The following ARID4B variants were observed in gnomAD, a reference collection of about 807,000 sequenced individuals.
The protein encoded by ARID4B is AT-rich interaction domain 4B, also known as AT-rich interactive domain-containing protein 4B.
ARID4B carries 26 observed loss-of-function variants against 147.5 expected under a neutral mutation model. The ratio of observed to expected loss-of-function variants is 0.18; its 90% CI spans 0.13 to 0.24. The LOEUF is 0.24. Among genes scored for constraint, ARID4B ranks in the 10% least tolerant of loss-of-function variants. The pLI, the probability that ARID4B is intolerant of heterozygous loss-of-function variation, is 1.00. For synonymous variants in ARID4B, 512 were observed against 507.9 expected (o/e 1.01, Z -0.11); for missense variants, 1,179 against 1,511.5 (o/e 0.78, Z 3.65).
At chr1:235,305,345 CA>C (rs1390117756) in intron 2 of ARID4B, among the ~76,000 whole-genome samples, 7 of 152,108 alleles carry the variant, frequency 4.6e-5, no homozygotes, top group Non-Finnish European at 7.4e-5. Context: ...CGGATTTGTT[CA>C]AAACTCCTCC....
intron 2 of ARID4B, among the ~76,000 whole-genome samples, chr1:235,266,869 T>C (rs1468518765): frequency 6.6e-6 from 1 of 152,204 alleles, no homozygotes; most frequent in Non-Finnish European, 1.5e-5. Context: ...AAGCAAAACA[T>C]GCTAGATGAC....
chr1:235,246,970 C>A (rs769639336), intron 6 of ARID4B, among the ~76,000 whole-genome samples: 13 of 152,056 alleles, frequency 8.5e-5, no homozygotes, highest in Non-Finnish European at 1.3e-4. Flanking sequence ...GCATCAATCG[C>A]ACGAACAAAA....
chr1:235,315,164 C>A (rs1175094923), intron 2 of ARID4B, among the ~76,000 whole-genome samples: 1 of 152,222 alleles, frequency 6.6e-6, no homozygotes, highest in Non-Finnish European at 1.5e-5. Context: ...TGGCTCACAT[C>A]TGTAATCCCA....
chr1:235,247,061 AT>A (rs947969435), intron 6 of ARID4B, among the ~76,000 whole-genome samples: 1 of 152,156 alleles, frequency 6.6e-6, no homozygotes, highest in African/African-American at 2.4e-5. Context: ...CATTAATTTA[AT>A]TTTTTAAATT....
At chr1:235,212,261 C>CAAAAACA (rs1268110567) in intron 17 of ARID4B, among the ~76,000 whole-genome samples, 2 of 151,734 alleles carry the variant, frequency 1.3e-5, no homozygotes, top group Non-Finnish European at 2.9e-5. Flanking sequence ...AAGACAAAAA[C>CAAAAACA]AAAAACAAAA....
At chr1:235,240,143 C>G (rs991084804) in intron 8 of ARID4B, among the ~76,000 whole-genome samples, 170 bp downstream of exon 8, 8 of 152,066 alleles carry the variant, frequency 5.3e-5, no homozygotes, top group African/African-American at 1.9e-4. Flanking sequence ...TGAATGACAT[C>G]AAGAGTTCTT....
At chr1:235,302,935 CT>C (rs71172294) in intron 2 of ARID4B, among the ~76,000 whole-genome samples, 3 of 149,860 alleles carry the variant, frequency 2.0e-5, no homozygotes, top group African/African-American at 7.4e-5. Context: ...TTCTTTTTTT[CT>C]TTTTTTTGAG....
intron 2 of ARID4B, among the ~76,000 whole-genome samples, chr1:235,297,736 C>T (rs890492510): frequency 5.9e-5 from 9 of 152,072 alleles, no homozygotes; most frequent in South Asian, 2.1e-4. Context: ...CCCTCTAGAA[C>T]GAATGTTCAG....
intron 6 of ARID4B, 60 bp downstream of exon 6, chr1:235,252,670 A>T: frequency 6.6e-7 from 1 of 1,513,366 alleles, no homozygotes; most frequent in Non-Finnish European, 9.1e-7. Flanking sequence ...GAGAAAGCAA[A>T]AATTTATTCC....
At chr1:235,306,711 A>G (rs2103262913) in intron 2 of ARID4B, among the ~76,000 whole-genome samples, 1 of 152,148 alleles carries the variant, frequency 6.6e-6, no homozygotes, top group Non-Finnish European at 1.5e-5. Flanking sequence ...GCTGGAGTGC[A>G]GTGGTGTGAC....
At chr1:235,216,431 T>G (rs1667085101) in intron 16 of ARID4B, among the ~76,000 whole-genome samples, 1 of 152,006 alleles carries the variant, frequency 6.6e-6, no homozygotes, top group African/African-American at 2.4e-5. Flanking sequence ...CACTGCAACC[T>G]CCGTCTCCCA....
intron 21 of ARID4B, chr1:235,176,896 T>C (rs934549202): frequency 2.1e-6 from 1 of 471,016 alleles, no homozygotes; most frequent in African/African-American, 2.0e-5. Context: ...GAGGTCAGTG[T>C]GGGGCACCTG....
At chr1:235,177,327 C>T (rs1339959691) in intron 21 of ARID4B, among the ~76,000 whole-genome samples, 1 of 152,116 alleles carries the variant, frequency 6.6e-6, no homozygotes, top group African/African-American at 2.4e-5. Context: ...AATATATTGG[C>T]TATTATTTCA....
chr1:235,178,939 C>A (rs952972861), intron 20 of ARID4B, among the ~76,000 whole-genome samples: 1 of 151,666 alleles, frequency 6.6e-6, no homozygotes, highest in Non-Finnish European at 1.5e-5. Flanking sequence ...ATTTTTTACA[C>A]CAAGTATGTG....
At chr1:235,208,501 A>ATT (rs201146320) in intron 17 of ARID4B, among the ~76,000 whole-genome samples, 1 of 151,410 alleles carries the variant, frequency 6.6e-6, no homozygotes, top group African/African-American at 2.4e-5. Context: ...TTTTATTATT[A>ATT]TTTTTTTTCT....
chr1:235,319,893 C>A (rs1165034692), intron 2 of ARID4B, among the ~76,000 whole-genome samples: 2 of 151,854 alleles, frequency 1.3e-5, no homozygotes, highest in East Asian at 3.9e-4. Flanking sequence ...CTCTGGGAGG[C>A]CGAGGCAGGT....
intron 2 of ARID4B, among the ~76,000 whole-genome samples, chr1:235,309,903 T>A (rs1673924340): frequency 6.6e-6 from 1 of 152,204 alleles, no homozygotes; most frequent in Non-Finnish European, 1.5e-5. Context: ...CTCTGAAACA[T>A]GTGCTGTGTC....
chr1:235,277,937 G>A (rs1020166109), intron 2 of ARID4B, among the ~76,000 whole-genome samples: 1 of 152,066 alleles, frequency 6.6e-6, no homozygotes, highest in Non-Finnish European at 1.5e-5. Flanking sequence ...ATTCTTTTGA[G>A]TCACCAGTAA....
intron 11 of ARID4B, among the ~76,000 whole-genome samples, chr1:235,225,189 T>A (rs1010833446): frequency 6.6e-6 from 1 of 152,240 alleles, no homozygotes; most frequent in Non-Finnish European, 1.5e-5. Context: ...AATTCTATTA[T>A]TGCTCCTCAA....
Sources: allele counts gnomAD v4.1 joint callset (sites outside exome capture counted in the v4.1 genomes callset), GRCh38; gene constraint gnomAD v4.1.1; transcripts MANE v1.5; gene names NCBI Gene and HGNC (gene_info 2026-07-23, HGNC 2026-07-21).